ATP6V0A4: variants seen among roughly 807,000 people sequenced by gnomAD.
ATP6V0A4 encodes V-type proton ATPase 116 kDa subunit a 4.
Under a neutral mutation model 107.3 loss-of-function variants are expected in ATP6V0A4, and 86 were observed. The ratio of observed to expected loss-of-function variants is 0.80; its 90% CI spans 0.67 to 0.96. The LOEUF is 0.96. Among genes scored for constraint, ATP6V0A4 ranks in the 40% least tolerant of loss-of-function variants. The pLI, the probability that ATP6V0A4 is intolerant of heterozygous loss-of-function variation, is 0.00. For missense variants in ATP6V0A4, 908 were observed against 1,045.6 expected, an observed-to-expected ratio of 0.87 and a Z score of 1.81; for synonymous variants, 353 against 381.4, an observed-to-expected ratio of 0.93 and a Z score of 0.87.
intron 18 of ATP6V0A4, among the ~76,000 whole-genome samples, chr7:138,726,073 T>C (rs1804701127): frequency 6.6e-6 from 1 of 152,060 alleles, no homozygotes. Flanking sequence ...CACTGCAAGC[T>C]CCGCCTCCCG....
chr7:138,735,482 T>C (rs1805267577), intron 15 of ATP6V0A4, among the ~76,000 whole-genome samples: 1 of 152,138 alleles, frequency 6.6e-6, no homozygotes, highest in African/African-American at 2.4e-5. Flanking sequence ...ATCATCTCGC[T>C]CCCTCCATCA....
chr7:138,712,456 G>C (rs939592313), intron 20 of ATP6V0A4, among the ~76,000 whole-genome samples: 4 of 151,818 alleles, frequency 2.6e-5, no homozygotes, highest in African/African-American at 9.7e-5. Context: ...TTGCAACAGA[G>C]TTTAGCCTAA....
chr7:138,736,068 C>CTAT (rs1805305320), intron 15 of ATP6V0A4, among the ~76,000 whole-genome samples: 2 of 148,844 alleles, frequency 1.3e-5, no homozygotes, highest in African/African-American at 5.2e-5. Context: ...AACTCCATCT[C>CTAT]AAAACAAACA....
At chr7:138,770,342 A>G (rs1478016639) in intron 3 of ATP6V0A4, among the ~76,000 whole-genome samples, 7 of 152,332 alleles carry the variant, frequency 4.6e-5, no homozygotes, top group African/African-American at 1.7e-4. Flanking sequence ...TTGGCTATCC[A>G]AATGAGCCTC....
At chr7:138,769,359 G>A (rs1807261787) in intron 3 of ATP6V0A4, 108 bp from the exon 4 acceptor site, 1 of 1,477,602 alleles carries the variant, frequency 6.8e-7, no homozygotes, top group Non-Finnish European at 8.9e-7. Context: ...TTGTCACCCA[G>A]ACTGGAGGGC....
At chr7:138,718,458 G>A (rs1269979496) in intron 19 of ATP6V0A4, among the ~76,000 whole-genome samples, 1 of 127,600 alleles carries the variant, frequency 7.8e-6, no homozygotes, top group Non-Finnish European at 1.7e-5. Context: ...CATCCAGGAA[G>A]GAATGGGGGG....
intron 15 of ATP6V0A4, among the ~76,000 whole-genome samples, chr7:138,736,861 G>A (rs574324513): frequency 1.1e-4 from 17 of 151,846 alleles, no homozygotes; most frequent in African/African-American, 3.6e-4. Flanking sequence ...GTGAGCCATC[G>A]CGCCCGGCCT....
intron 1 of ATP6V0A4, among the ~76,000 whole-genome samples, chr7:138,786,941 T>C (rs1220873159): frequency 6.6e-6 from 1 of 152,238 alleles, no homozygotes; most frequent in Admixed American, 6.5e-5. Flanking sequence ...AAATGTACTA[T>C]CTTGTTTCTC....
At position 138,732,993 on chromosome 7, in the gene ATP6V0A4, A is replaced by G. The variant is rs368553213; in HGVS notation, c.1792T>C (p.Trp598Arg). The change falls in exon 17 of 22, where the codon TGG becomes CGG. Residue 598 changes from tryptophan (W) to arginine (R), a missense_variant. Trp to Arg is a moderately radical substitution (Grantham distance 101). Transcript: ENST00000310018. ...GATACATGGACGTCAAAGCAGCACCATTTGAAAATGATCATGAAAACCAGG... is the reference window on the plus strand; with the variant it reads ...GATACATGGACGTCAAAGCAGCACCGTTTGAAAATGATCATGAAAACCAGG... ...GYLVFMIIFK[W>R]CCFDVHVSQH... 3.9e-5 allele frequency: 63 copies of G among 1,613,972 alleles called. No homozygotes were observed. The highest frequency in any genetic ancestry group is 4.7e-5 in the Non-Finnish European group (56 of 1,179,984).
chr7:138,755,802 A>G lies in ATP6V0A4; in HGVS notation c.723-20T>C, dbSNP rs1806485900. 6.2e-7 allele frequency: 1 copy of G among 1,610,432 alleles called. No individual in the cohort carries two copies. The highest frequency in any genetic ancestry group is 1.3e-5 in the African/African-American group (1 of 75,054). ...CGAAACCTGTGTTTAATATATTCCA[A>G]AGGAAACAGGTGAGTTCTTGCTGCA... On this transcript the variant is annotated intron_variant, in intron 9 of 21. Transcript: ENST00000310018.
At chr7:138,717,099 T>C (rs187276736) in intron 19 of ATP6V0A4, among the ~76,000 whole-genome samples, 1 of 152,288 alleles carries the variant, frequency 6.6e-6, no homozygotes, top group East Asian at 1.9e-4. Flanking sequence ...AGGTGGGCAG[T>C]TGGCTCTCCA....
At chr7:138,724,745 T>C (rs1167814025) in intron 18 of ATP6V0A4, among the ~76,000 whole-genome samples, 2 of 152,196 alleles carry the variant, frequency 1.3e-5, no homozygotes, top group Non-Finnish European at 2.9e-5. Context: ...TTACGGTTTC[T>C]CCATTTCCAA....
chr7:138,781,471 A>G (rs1308843861), intron 2 of ATP6V0A4, among the ~76,000 whole-genome samples: 1 of 151,986 alleles, frequency 6.6e-6, no homozygotes, highest in Non-Finnish European at 1.5e-5. Context: ...CTGGGATTAC[A>G]AGCACCTGCC....
chr7:138,792,953 T>C (rs1253544341), intron 1 of ATP6V0A4, among the ~76,000 whole-genome samples: 1 of 152,018 alleles, frequency 6.6e-6, no homozygotes, highest in Non-Finnish European at 1.5e-5. Flanking sequence ...CTGTTATAGC[T>C]ACAGCAATAT....
Position 138,759,900 on chromosome 7 carries a change from C to T in ATP6V0A4, c.513-22G>A, listed in dbSNP as rs555289689. ...GAACCTAGGCAGCCAGAAGGGAAGACATTCCTTAAGGCACAGGGATTGGGA... is the reference window on the plus strand; with the variant it reads ...GAACCTAGGCAGCCAGAAGGGAAGATATTCCTTAAGGCACAGGGATTGGGA... On this transcript the variant is annotated intron_variant, in intron 7 of 21. Transcript: ENST00000310018. 149 of 1,613,942 alleles carry T rather than the reference C, an allele frequency of 9.2e-5. No homozygotes were observed. In the South Asian group the frequency reaches 1.5e-3, roughly 17 times the overall value.
chr7:138,750,414 C>T (rs1189104994), intron 11 of ATP6V0A4, among the ~76,000 whole-genome samples: 15 of 152,172 alleles, frequency 9.9e-5, no homozygotes, highest in Admixed American at 9.8e-4. Flanking sequence ...CTATGTTACA[C>T]AGGCTGGTCT....
chr7:138,718,464 G>C (rs1414558214), intron 19 of ATP6V0A4, among the ~76,000 whole-genome samples: 5 of 119,434 alleles, frequency 4.2e-5, no homozygotes, highest in South Asian at 3.4e-4. Context: ...GGAAGGAATG[G>C]GGGGGATGGC....
chr7:138,745,338 G>A (rs1805860300), intron 13 of ATP6V0A4, 58 bp from the exon 14 acceptor site: 1 of 1,610,528 alleles, frequency 6.2e-7, no homozygotes, highest in East Asian at 2.2e-5. Flanking sequence ...AGACCCCAGA[G>A]GGAAGCGTTC....
At chr7:138,785,145 C>T (rs1808118864) in intron 2 of ATP6V0A4, among the ~76,000 whole-genome samples, 1 of 152,170 alleles carries the variant, frequency 6.6e-6, no homozygotes, top group African/African-American at 2.4e-5. Context: ...AATAATCTAG[C>T]TGGAAAAGTA....
Sources: allele counts gnomAD v4.1 joint callset (sites outside exome capture counted in the v4.1 genomes callset), GRCh38; gene constraint gnomAD v4.1.1; transcripts MANE v1.5; gene names NCBI Gene and HGNC (gene_info 2026-07-23, HGNC 2026-07-21).